FXR1: variants seen among roughly 807,000 people sequenced by gnomAD.
FXR1 encodes RNA-binding protein FXR1.
FXR1 carries 15 observed loss-of-function variants against 84.0 expected under a neutral mutation model. The observed-to-expected ratio is 0.18, with a 90% CI of 0.12 to 0.27. FXR1 has a LOEUF of 0.27. FXR1 is among the 10% of genes least tolerant of loss of function. FXR1 has a pLI of 1.00. For missense variants in FXR1, 480 were observed against 774.4 expected, an observed-to-expected ratio of 0.62 and a Z score of 4.51; for synonymous variants, 245 against 250.7, an observed-to-expected ratio of 0.98 and a Z score of 0.21.
chr3:180,924,454 C>A (rs967541671), intron 1 of FXR1, among the ~76,000 whole-genome samples: 3 of 152,184 alleles, frequency 2.0e-5, no homozygotes, highest in Non-Finnish European at 4.4e-5. Context: ...TTTTCTCTTT[C>A]ATTTTGAAAA....
chr3:180,964,700 T>TATATATATATATATATATAA (rs1491324374), intron 13 of FXR1, among the ~76,000 whole-genome samples: 1 of 139,804 alleles, frequency 7.2e-6, no homozygotes, highest in African/African-American at 2.7e-5. Context: ...TATATATATA[T>TATATATATATATATATATAA]AATGAGTACT....
chr3:180,957,646 C>G (rs1711526124), intron 9 of FXR1, 173 bp from the exon 10 acceptor site: 3 of 490,370 alleles, frequency 6.1e-6, no homozygotes, highest in Non-Finnish European at 1.1e-5. Context: ...AGTTTCAGAC[C>G]AAGGGTGAAA....
chr3:180,967,980 G>C (rs1317329913), intron 13 of FXR1, 71 bp from the exon 14 acceptor site: 2 of 938,650 alleles, frequency 2.1e-6, no homozygotes, highest in Non-Finnish European at 3.5e-6. Flanking sequence ...TAATTTGTAG[G>C]ACATAATTTT....
At chr3:180,973,627 T>C (rs1030623620) in intron 15 of FXR1, among the ~76,000 whole-genome samples, 2 of 152,214 alleles carry the variant, frequency 1.3e-5, no homozygotes, top group African/African-American at 2.4e-5. Context: ...TAGTTATAAA[T>C]ATATTAGCAA....
chr3:180,944,324 AC>A (rs1456847674), intron 3 of FXR1, among the ~76,000 whole-genome samples: 1 of 138,902 alleles, frequency 7.2e-6, no homozygotes, highest in Non-Finnish European at 1.6e-5. Flanking sequence ...TCGTTATTGG[AC>A]CTTTTTTTTT....
chr3:180,978,044 A>G lies in FXR1; in HGVS notation c.*1752A>G, dbSNP rs1375177961. ...ATTTCATGTCCTGATATTTAAAAAA[A>G]TTACCCACAAATGTGTTTTTTTAAA... On this transcript the variant is annotated 3_prime_UTR_variant, in exon 17 of 17. Coordinates refer to ENST00000357559, the MANE Select transcript of FXR1 (RefSeq NM_005087.4). 4 of 152,050 alleles carry G rather than the reference A, an allele frequency of 2.6e-5. No homozygotes were observed. Among genetic ancestry groups the G allele is most frequent in the African/African-American group, 7.2e-5 (3 of 41,424 alleles). The allele number at this position is 152,050 out of a possible 1,614,324, so 9.4% of individuals were successfully genotyped here.
At chr3:180,974,667 CA>C (rs1381168135) in intron 15 of FXR1, among the ~76,000 whole-genome samples, 1 of 152,088 alleles carries the variant, frequency 6.6e-6, no homozygotes, top group Non-Finnish European at 1.5e-5. Flanking sequence ...TCATTGAATA[CA>C]CTCTGGACCT....
intron 13 of FXR1, among the ~76,000 whole-genome samples, chr3:180,967,499 C>T (rs1408524409): frequency 2.0e-5 from 3 of 151,462 alleles, no homozygotes; most frequent in Admixed American, 6.6e-5. Flanking sequence ...TTACTAAAAC[C>T]CAAATCAGCA....
chr3:180,921,845 G>A (rs114321351), intron 1 of FXR1, among the ~76,000 whole-genome samples: 2,943 of 151,462 alleles, frequency 0.019, 47 homozygotes, highest in Non-Finnish European at 0.03. Context: ...TTTTCCCCTG[G>A]TTGCTCTTCA....
At chr3:180,935,665 GTAAC>G (rs1559986922) in intron 3 of FXR1, among the ~76,000 whole-genome samples, 1 of 152,146 alleles carries the variant, frequency 6.6e-6, no homozygotes, top group Non-Finnish European at 1.5e-5. Flanking sequence ...GTGAAATATT[GTAAC>G]TAGCTTTCTG....
rs1291675852 is a variant in FXR1 at position 180,948,335 on chromosome 3, G to A, written c.271-12G>A. Reference sequence around the variant, plus strand: ...TCAGATGGGATTTTTAAAGTATTTTGATGTCTTTTAGTTTTATGTCATTGA... The same window carrying A: ...TCAGATGGGATTTTTAAAGTATTTTAATGTCTTTTAGTTTTATGTCATTGA... On this transcript the variant is annotated splice_polypyrimidine_tract_variant and intron_variant, in intron 4 of 16. Coordinates refer to ENST00000357559, the MANE Select transcript of FXR1 (RefSeq NM_005087.4). 4 of 1,555,694 alleles carry A rather than the reference G, an allele frequency of 2.6e-6. No individual in the cohort carries two copies. In the East Asian group the frequency reaches 9.0e-5, roughly 35 times the overall value.
chr3:180,958,786 A>G (rs1711678193), intron 10 of FXR1, among the ~76,000 whole-genome samples: 1 of 151,100 alleles, frequency 6.6e-6, no homozygotes, highest in Non-Finnish European at 1.5e-5. Context: ...ACATTGCTAT[A>G]GAATCTGAAA....
At chr3:180,924,909 T>A (rs1560163070) in intron 1 of FXR1, among the ~76,000 whole-genome samples, 3 of 152,238 alleles carry the variant, frequency 2.0e-5, no homozygotes, top group Admixed American at 1.3e-4. Flanking sequence ...TTAATATTCT[T>A]ATGTAGTTAT....
At chr3:180,961,402 G>A in intron 10 of FXR1, 66 bp from the exon 11 acceptor site, 2 of 591,148 alleles carry the variant, frequency 3.4e-6, no homozygotes, top group East Asian at 3.3e-5. Context: ...TCAGTTTCAT[G>A]TCACTTTTAG....
chr3:180,950,105 G>A (rs1465262654), intron 7 of FXR1, among the ~76,000 whole-genome samples: 11 of 152,030 alleles, frequency 7.2e-5, no homozygotes, highest in Admixed American at 3.3e-4. Flanking sequence ...TTATCCTAAG[G>A]TACTCTGTTT....
chr3:180,939,936 T>C (rs1720940460), intron 3 of FXR1, among the ~76,000 whole-genome samples: 1 of 152,216 alleles, frequency 6.6e-6, no homozygotes, highest in East Asian at 1.9e-4. Flanking sequence ...ATTTCCATTC[T>C]TGTAGGTCAG....
intron 1 of FXR1, among the ~76,000 whole-genome samples, chr3:180,924,953 G>A (rs1296757672): frequency 2.0e-5 from 3 of 152,160 alleles, no homozygotes; most frequent in East Asian, 1.9e-4. Context: ...TACATAAAAT[G>A]GGAAGTTCAA....
At position 180,978,323 on chromosome 3, in the gene FXR1, A is replaced by G. The variant is rs1714419339; in HGVS notation, c.*2031A>G. ...GTGAGTATAGCTGAACCAATTCTTC[A>G]TTCTAGCAATAACCACACTAAGTTC... On this transcript the variant is annotated 3_prime_UTR_variant, in exon 17 of 17. Transcript: ENST00000357559. 6.6e-6 allele frequency: 1 copy of G among 152,128 alleles called. No individual in the cohort carries two copies. Among genetic ancestry groups the G allele is most frequent in the African/African-American group, 2.4e-5 (1 of 41,454 alleles). 9.4% of individuals were successfully genotyped at this position (152,128 alleles called of 1,614,324 possible).
At chr3:180,914,995 G>GGTCT (rs1717706066) in intron 1 of FXR1, 2 of 888,600 alleles carry the variant, frequency 2.3e-6, no homozygotes, top group South Asian at 1.0e-4. Flanking sequence ...GAGAATTCTA[G>GGTCT]GTCTGTACTT....
Sources: allele counts gnomAD v4.1 joint callset (sites outside exome capture counted in the v4.1 genomes callset), GRCh38; gene constraint gnomAD v4.1.1; transcripts MANE v1.5; gene names NCBI Gene and HGNC (gene_info 2026-07-23, HGNC 2026-07-21).